The following CDH13 variants were observed in gnomAD, a reference collection of about 807,000 sequenced individuals.
The protein encoded by CDH13 is cadherin-13.
Under a neutral mutation model 63.8 loss-of-function variants are expected in CDH13, and 24 were observed. The observed-to-expected ratio is 0.38, with a 90% CI of 0.27 to 0.53. CDH13 has a LOEUF of 0.53. Ranked by LOEUF, CDH13 falls within the 20% of genes least tolerant of loss-of-function variation. The pLI is 0.85. For missense variants in CDH13, 1,049 were observed against 903.1 expected (o/e 1.16, Z -2.07); for synonymous variants, 503 against 355.3 (o/e 1.42, Z -4.67).
intron 1 of CDH13, among the ~76,000 whole-genome samples, chr16:82,636,925 C>T (rs1006412645): frequency 6.6e-6 from 1 of 152,208 alleles, no homozygotes; most frequent in African/African-American, 2.4e-5. Context: ...CACCATGGAC[C>T]TGGATCCTGT....
At chr16:83,589,090 G>T (rs1906462031) in intron 7 of CDH13, among the ~76,000 whole-genome samples, 1 of 152,172 alleles carries the variant, frequency 6.6e-6, no homozygotes, top group Non-Finnish European at 1.5e-5. Context: ...AGCAGGTCTG[G>T]ATTATTTGTG....
intron 6 of CDH13, among the ~76,000 whole-genome samples, chr16:83,457,148 G>C (rs939325517): frequency 6.6e-6 from 1 of 152,172 alleles, no homozygotes; most frequent in Admixed American, 6.5e-5. Flanking sequence ...CCACGTCCCT[G>C]GTATGACCTT....
intron 1 of CDH13, among the ~76,000 whole-genome samples, chr16:82,795,870 T>C (rs1387779409): frequency 6.6e-6 from 1 of 151,926 alleles, no homozygotes; most frequent in Middle Eastern, 3.2e-3. Context: ...CCATCTCTCA[T>C]AGGCATTGTG....
intron 7 of CDH13, among the ~76,000 whole-genome samples, chr16:83,584,730 G>C (rs1400227340): frequency 6.6e-6 from 1 of 152,184 alleles, no homozygotes; most frequent in Non-Finnish European, 1.5e-5. Flanking sequence ...AAATACCTGA[G>C]ACTGGGTAAT....
At chr16:83,779,848 A>G (rs1466370696) in intron 11 of CDH13, 120 bp from the exon 12 acceptor site, 2 of 674,548 alleles carry the variant, frequency 3.0e-6, no homozygotes, top group Non-Finnish European at 5.0e-6. Context: ...ATAGAGTGAG[A>G]CCCTGTCTCA....
chr16:82,983,031 C>A (rs1473819634), intron 2 of CDH13, among the ~76,000 whole-genome samples: 2 of 152,166 alleles, frequency 1.3e-5, no homozygotes, highest in Admixed American at 6.5e-5. Context: ...ACCCCAGATG[C>A]TGTACTCTGA....
chr16:82,882,393 G>A (rs1351739247), intron 2 of CDH13, among the ~76,000 whole-genome samples: 1 of 152,118 alleles, frequency 6.6e-6, no homozygotes, highest in African/African-American at 2.4e-5. Flanking sequence ...AGGCAGTCTG[G>A]CTCTAGTCTC....
chr16:82,822,205 A>C (rs1449181440), intron 1 of CDH13, among the ~76,000 whole-genome samples: 1 of 152,238 alleles, frequency 6.6e-6, no homozygotes, highest in African/African-American at 2.4e-5. Flanking sequence ...AAAAAAATAA[A>C]TAAAACTTGA....
intron 1 of CDH13, among the ~76,000 whole-genome samples, chr16:82,851,320 A>G (rs1309865934): frequency 1.3e-5 from 2 of 151,940 alleles, no homozygotes; most frequent in Admixed American, 1.3e-4. Flanking sequence ...CTGTAATCCC[A>G]GCTACTCGGG....
intron 5 of CDH13, among the ~76,000 whole-genome samples, chr16:83,298,895 G>A (rs2089665122): frequency 6.6e-6 from 1 of 152,102 alleles, no homozygotes; most frequent in Non-Finnish European, 1.5e-5. Context: ...TATCTTTAGG[G>A]CATCTTCCTT....
rs79494350 is a variant in CDH13 at position 82,973,755 on chromosome 16, A to T, written c.158-58255A>T. ...TCTATCCCATGACATTTCCTTTTCT[A>T]GTCTCCTAGGCAGCCATCAACAAGG... On this transcript the variant is annotated intron_variant, in intron 2 of 13. Transcript: ENST00000567109. Among the ~76,000 whole-genome samples, 186 of 152,226 alleles carry T rather than the reference A, an allele frequency of 1.2e-3. 7 individuals are homozygous for T. In the East Asian group the frequency reaches 0.028, roughly 23 times the overall value.
At chr16:82,704,116 A>G (rs2031283217) in intron 1 of CDH13, among the ~76,000 whole-genome samples, 2 of 152,264 alleles carry the variant, frequency 1.3e-5, no homozygotes, top group South Asian at 4.1e-4. Context: ...GAATGTTTCT[A>G]AACTCTAAAA....
At chr16:83,650,231 C>G (rs1218534647) in intron 8 of CDH13, among the ~76,000 whole-genome samples, 1 of 152,088 alleles carries the variant, frequency 6.6e-6, no homozygotes, top group East Asian at 1.9e-4. Context: ...AAAAAAATAC[C>G]TTTCTTCTTT....
At chr16:83,344,723 T>C in intron 5 of CDH13, 139 bp from the exon 6 acceptor site, 1 of 781,760 alleles carries the variant, frequency 1.3e-6, no homozygotes, top group Non-Finnish European at 2.0e-6. Flanking sequence ...TCCCAGTGAC[T>C]ATCCTCTGAG....
At chr16:83,760,838 A>G (rs1379740909) in intron 11 of CDH13, among the ~76,000 whole-genome samples, 2 of 152,234 alleles carry the variant, frequency 1.3e-5, no homozygotes, top group Non-Finnish European at 2.9e-5. Flanking sequence ...CCATTCACAT[A>G]TTCTCAAGTA....
At chr16:83,694,194 C>A (rs569006949) in intron 10 of CDH13, among the ~76,000 whole-genome samples, 1 of 152,324 alleles carries the variant, frequency 6.6e-6, no homozygotes, top group East Asian at 1.9e-4. Context: ...GGATTAGGGA[C>A]CACCACAAAG....
chr16:83,218,073 A>G (rs1597538302), intron 5 of CDH13, among the ~76,000 whole-genome samples: 1 of 152,322 alleles, frequency 6.6e-6, no homozygotes, highest in South Asian at 2.1e-4. Flanking sequence ...TGCACATATC[A>G]TGAGGTGTAT....
chr16:83,002,882 G>C (rs1913085643), intron 2 of CDH13, among the ~76,000 whole-genome samples: 1 of 152,200 alleles, frequency 6.6e-6, no homozygotes, highest in African/African-American at 2.4e-5. Context: ...GACAAGACCA[G>C]ATTATTTAGG....
At chr16:83,548,890 C>A (rs1052381362) in intron 7 of CDH13, among the ~76,000 whole-genome samples, 1 of 152,148 alleles carries the variant, frequency 6.6e-6, no homozygotes, top group South Asian at 2.1e-4. Flanking sequence ...GCAAAATAGA[C>A]AAGGGTAAAA....
Sources: gnomAD v4.1 joint callset for allele counts (sites outside exome capture counted in the v4.1 genomes callset) on GRCh38, gnomAD v4.1.1 for gene constraint, MANE v1.5 for transcripts, NCBI Gene and HGNC (gene_info 2026-07-23, HGNC 2026-07-21) for gene names.